ALDH9A1: variants seen among roughly 807,000 people sequenced by gnomAD.
The protein encoded by ALDH9A1 is aldehyde dehydrogenase 9 family member A1.
Under a neutral mutation model 56.6 loss-of-function variants are expected in ALDH9A1, and 42 were observed. The ratio of observed to expected loss-of-function variants is 0.74; its 90% confidence interval spans 0.58 to 0.96. The LOEUF is 0.96. ALDH9A1 is among the 40% of genes least tolerant of loss of function. ALDH9A1 has a pLI of 0.00. For synonymous variants in ALDH9A1, 242 were observed against 236.0 expected (o/e 1.03, Z -0.23); for missense variants, 661 against 651.5 (o/e 1.01, Z -0.16).
rs1297348271 is a variant in ALDH9A1 at position 165,682,223 on chromosome 1, G to C, written c.476C>G (p.Pro159Arg). Residue 159 changes from proline (P) to arginine (R), a missense_variant, in exon 4 of 11, where the codon CCA becomes CGA. Transcript: ENST00000354775. ...TCTGGTATAACCAAACGATCCACCT[G>C]GGAGCTGGATGTGTTCACCTATGGG... is the stretch of plus-strand genomic sequence containing the variant. ...ASMAGEHIQL[P>R]GGSFGYTRRE... 1 of 1,613,638 alleles carries C rather than the reference G, an allele frequency of 6.2e-7. No individual in the cohort carries two copies. Among genetic ancestry groups the C allele is most frequent in the Non-Finnish European group, 8.5e-7 (1 of 1,179,816 alleles).
chr1:165,669,150 T>C (rs988467342), intron 7 of ALDH9A1, 112 bp downstream of exon 7: 7 of 1,326,698 alleles, frequency 5.3e-6, no homozygotes, highest in African/African-American at 1.5e-5. Flanking sequence ...GGGATGCTAA[T>C]AGTCCAATGA....
rs752237585 is a variant in ALDH9A1 at position 165,680,556 on chromosome 1, G to A, written c.720C>T (p.Gly240=). 1 of 1,614,180 alleles carries A rather than the reference G, an allele frequency of 6.2e-7. No homozygotes were observed. Among genetic ancestry groups the A allele is most frequent in the East Asian group, 2.2e-5 (1 of 44,876 alleles). Residue 240 remains glycine, a synonymous_variant, in exon 5 of 11, where the codon GGC becomes GGT. Transcript: ENST00000354775. ...CATCGGGATGCTGACACAGAAACTG[G>A]CCTGTGGCAGCCCCTCCCTGCACCA... ...FNVVQGGAAT[G]QFLCQHPDVA...
At chr1:165,687,518 A>G (rs930148523) in intron 2 of ALDH9A1, among the ~76,000 whole-genome samples, 1 of 152,210 alleles carries the variant, frequency 6.6e-6, no homozygotes, top group African/African-American at 2.4e-5. Flanking sequence ...ACAAAAATAA[A>G]AATGACAGTA....
chr1:165,665,027 T>C lies in ALDH9A1; in HGVS notation c.1453A>G (p.Lys485Glu). Reference sequence around the variant, plus strand: ...CCTCCCAGCTCCTCACCTGACTTCTTATATCCACCAAAGGGCAACTCCACT... The same window carrying C: ...CCTCCCAGCTCCTCACCTGACTTCTCATATCCACCAAAGGGCAACTCCACT... ...SPVELPFGGY[K>E]KSGFGRENGR... The change falls in exon 10 of 11, where the codon AAG becomes GAG. Residue 485 changes from lysine (K) to glutamate (E), a missense_variant. Transcript: ENST00000354775. The C allele has an allele frequency of 1.2e-6, 2 of 1,613,856 alleles. No homozygotes were observed. Among genetic ancestry groups the C allele is most frequent in the South Asian group, 1.1e-5 (1 of 91,066 alleles).
In ALDH9A1 at chr1:165,680,621, T is replaced by C; in HGVS notation, c.655A>G (p.Ile219Val). ...GGAGGTACACCAGCCTCACTGTAGATTTCAGCCAGTAGCAATGCAGAAACA... is the reference window on the plus strand; with the variant it reads ...GGAGGTACACCAGCCTCACTGTAGACTTCAGCCAGTAGCAATGCAGAAACA... ...TPVSALLLAE[I>V]YSEAGVPPGL... Residue 219 changes from isoleucine to valine, a missense_variant, in exon 5 of 11, where the codon ATC becomes GTC. Physicochemically the swap from Ile to Val is conservative, Grantham distance 29. Coordinates refer to ENST00000354775, the MANE Select transcript of ALDH9A1 (RefSeq NM_000696.4). 1 of 1,614,090 alleles carries C rather than the reference T, an allele frequency of 6.2e-7. No individual in the cohort carries two copies. The highest frequency in any genetic ancestry group is 8.5e-7 in the Non-Finnish European group (1 of 1,179,992).
intron 10 of ALDH9A1, 84 bp from the exon 11 acceptor site, chr1:165,663,228 A>G (rs918129189): frequency 3.6e-6 from 4 of 1,106,570 alleles, no homozygotes; most frequent in Non-Finnish European, 4.2e-6. Context: ...GAGCACTGCT[A>G]ATCAGGGCTA....
chr1:165,694,969 A>AT (rs1650020433), intron 2 of ALDH9A1, among the ~76,000 whole-genome samples: 2 of 151,820 alleles, frequency 1.3e-5, no homozygotes, highest in South Asian at 2.1e-4. Flanking sequence ...AAAAAAAAAA[A>AT]ATAAAAATAA....
intron 6 of ALDH9A1, chr1:165,676,518 G>A (rs990072834): frequency 5.8e-5 from 17 of 290,794 alleles, no homozygotes; most frequent in Non-Finnish European, 1.1e-4. Flanking sequence ...TACCCAGCAT[G>A]TTGTTGGCAC....
intron 9 of ALDH9A1, among the ~76,000 whole-genome samples, chr1:165,666,245 G>A (rs1011919469): frequency 1.3e-5 from 2 of 152,290 alleles, no homozygotes; most frequent in Middle Eastern, 6.8e-3. Flanking sequence ...GGGGCTGGGG[G>A]TGGGGAGTGG....
At chr1:165,674,685 C>CAAAAA (rs36011778) in intron 6 of ALDH9A1, among the ~76,000 whole-genome samples, 38 of 115,508 alleles carry the variant, frequency 3.3e-4, no homozygotes, top group African/African-American at 1.1e-3. Flanking sequence ...GACTCCGAAT[C>CAAAAA]AAAAAAAAAA....
chr1:165,690,272 TCA>T (rs1161380989), intron 2 of ALDH9A1, among the ~76,000 whole-genome samples: 1 of 151,570 alleles, frequency 6.6e-6, no homozygotes, highest in African/African-American at 2.4e-5. Context: ...AGGGAAACTC[TCA>T]GACCCGTCAC....
chr1:165,681,424 T>G (rs1275109748), intron 4 of ALDH9A1, among the ~76,000 whole-genome samples: 6 of 152,216 alleles, frequency 3.9e-5, no homozygotes, highest in African/African-American at 7.2e-5. Flanking sequence ...TGGTGACTAT[T>G]AAAGCTAGTG....
intron 10 of ALDH9A1, among the ~76,000 whole-genome samples, chr1:165,664,272 C>T (rs1002422357): frequency 2.4e-4 from 37 of 152,002 alleles, no homozygotes; most frequent in African/African-American, 8.0e-4. Flanking sequence ...AATGGTGCCT[C>T]GACAAAGTCC....
intron 9 of ALDH9A1, 84 bp from the exon 10 acceptor site, chr1:165,665,214 G>A: frequency 9.6e-7 from 1 of 1,041,502 alleles, no homozygotes; most frequent in Non-Finnish European, 1.4e-6. Flanking sequence ...GCCAGTTCTA[G>A]GGTTCTCAAA....
chr1:165,663,031 T>C lies in ALDH9A1; in HGVS notation c.*19A>G, dbSNP rs756273370. 38 of 1,607,342 alleles carry C rather than the reference T, an allele frequency of 2.4e-5. No individual in the cohort carries two copies. In the East Asian group the frequency reaches 7.4e-4, roughly 31 times the overall value. The stretch of plus-strand genomic sequence containing the variant: ...TCATTCCACAGCGTGGCCATGTCAA[T>C]AGGTTTCACTGCAGGTTTTCAAAAA... On this transcript the variant is annotated 3_prime_UTR_variant, in exon 11 of 11. Transcript: ENST00000354775.
intron 2 of ALDH9A1, among the ~76,000 whole-genome samples, chr1:165,685,046 G>A (rs899845022): frequency 2.0e-5 from 3 of 152,242 alleles, no homozygotes; most frequent in South Asian, 2.1e-4. Context: ...GATATAGTAC[G>A]TAAGGATCAT....
chr1:165,665,101 G>A lies in ALDH9A1; in HGVS notation c.1379C>T (p.Ala460Val), dbSNP rs112076106. Reference sequence around the variant, plus strand: ...GAAGCACGTCCCAGCCTGAAGCTCAGCTACCACTCTATGAGCCCGTTGGAT... The same window carrying A: ...GAAGCACGTCCCAGCCTGAAGCTCAACTACCACTCTATGAGCCCGTTGGAT... Reference protein sequence around the residue: ...RDIQRAHRVVAELQAGTCFIN... With the variant: ...RDIQRAHRVVVELQAGTCFIN... The change falls in exon 10 of 11, where the codon GCT (alanine) becomes GTT (valine). Residue 460 changes from alanine (A) to valine (V), a missense_variant. Coordinates refer to ENST00000354775, the MANE Select transcript of ALDH9A1 (RefSeq NM_000696.4). The A allele has an allele frequency of 1.2e-6, 2 of 1,613,718 alleles. No individual in the cohort carries two copies. The highest frequency in any genetic ancestry group is 2.2e-5 in the South Asian group (2 of 91,070).
rs754381201 is a variant in ALDH9A1, at chr1:165,679,574, C to T, written c.798G>A (p.Glu266=). The change falls in exon 6 of 11, where the codon GAG becomes GAA. Residue 266 remains glutamate (E), a synonymous_variant. Coordinates refer to ENST00000354775, the MANE Select transcript of ALDH9A1 (RefSeq NM_000696.4). ...GSVPTGMKIM[E]MSAKGIKPVT... is the part of the protein sequence containing the mutation. The stretch of plus-strand genomic sequence containing the variant: ...CAGGTTTGATTCCTTTAGCTGACAT[C>T]TCCATGATCTTGCAGAACAAGGACA... 6.2e-7 allele frequency: 1 copy of T among 1,614,156 alleles called. No homozygotes were observed. Among genetic ancestry groups the T allele is most frequent in the Non-Finnish European group, 8.5e-7 (1 of 1,180,008 alleles).
At chr1:165,684,605 A>C (rs1558009544) in intron 2 of ALDH9A1, among the ~76,000 whole-genome samples, 1 of 152,200 alleles carries the variant, frequency 6.6e-6, no homozygotes, top group Non-Finnish European at 1.5e-5. Flanking sequence ...AACCATAAGT[A>C]GCTTAAATTT....
Sources: allele counts gnomAD v4.1 joint callset (sites outside exome capture counted in the v4.1 genomes callset), GRCh38; gene constraint gnomAD v4.1.1; transcripts MANE v1.5; gene names NCBI Gene and HGNC (gene_info 2026-07-23, HGNC 2026-07-21).